ARID1A: variants seen among roughly 807,000 people sequenced by gnomAD.
ARID1A encodes the protein AT-rich interactive domain-containing protein 1A.
A neutral mutation model predicts 212.6 loss-of-function variants in ARID1A; 20 were observed. That is an observed-to-expected ratio of 0.09 (90% CI 0.07 to 0.14). ARID1A has a LOEUF of 0.14. Among genes scored for constraint, ARID1A ranks in the 10% least tolerant of loss-of-function variants. ARID1A has a pLI of 1.00. For missense variants in ARID1A, 2,587 were observed against 3,059.0 expected (o/e 0.85, Z 3.64); for synonymous variants, 1,376 against 1,222.1 (o/e 1.13, Z -2.63).
intron 1 of ARID1A, among the ~76,000 whole-genome samples, chr1:26,703,942 A>C (rs974720582): frequency 6.6e-6 from 1 of 152,242 alleles, no homozygotes. Flanking sequence ...AGCTGAAGGA[A>C]TTAGAGGAAA....
intron 1 of ARID1A, among the ~76,000 whole-genome samples, chr1:26,716,073 G>T (rs2080499612): frequency 6.6e-6 from 1 of 151,838 alleles, no homozygotes; most frequent in African/African-American, 2.4e-5. Context: ...AGGAGTGGTG[G>T]TGCATGCCCG....
intron 5 of ARID1A, 63 bp downstream of exon 5, chr1:26,761,159 G>T: frequency 6.3e-7 from 1 of 1,584,562 alleles, no homozygotes; most frequent in Non-Finnish European, 8.6e-7. Context: ...ATATTAAGGA[G>T]CCCTAGTCTT....
rs561898418 is a variant in ARID1A, at chr1:26,768,113, G to A, written c.3198+114G>A. 1.8e-4 allele frequency: 214 copies of A among 1,182,142 alleles called. 1 individual carries two copies. The African/African-American group carries it at 3.0e-3, about 17-fold the overall frequency. 73.2% of individuals were successfully genotyped at this position (1,182,142 alleles called of 1,614,324 possible). ...CCACAGGGACATCATCCCCTCTCCCGCTTTCTGAGTCTAATATTGATAGAC... is the reference window on the plus strand; with the variant it reads ...CCACAGGGACATCATCCCCTCTCCCACTTTCTGAGTCTAATATTGATAGAC... On this transcript the variant is annotated intron_variant, in intron 11 of 19. Coordinates refer to ENST00000324856, the MANE Select transcript of ARID1A (RefSeq NM_006015.6).
rs1482631398 is a variant in ARID1A at position 26,731,598 on chromosome 1, A to T, written c.1797A>T (p.Pro599=). 1 of 1,613,022 alleles carries T rather than the reference A, an allele frequency of 6.2e-7. No individual in the cohort carries two copies. Among genetic ancestry groups the T allele is most frequent in the Non-Finnish European group, 8.5e-7 (1 of 1,179,166 alleles). Residue 599 remains proline, a synonymous_variant, in exon 3 of 20, where the codon CCA becomes CCT. Transcript: ENST00000324856. The stretch of plus-strand genomic sequence containing the variant: ...CCTATTCCCAGCAGCGCTTCCCTCC[A>T]CCGCAGGTAAGATATCCCTGCCTCC... The part of the protein sequence containing the change: ...QTAYSQQRFP[P]PQELSQDSFG...
intron 4 of ARID1A, among the ~76,000 whole-genome samples, chr1:26,739,751 A>G (rs1158143011): frequency 3.3e-5 from 5 of 152,102 alleles, no homozygotes; most frequent in Non-Finnish European, 7.4e-5. Flanking sequence ...GGTGCTCATC[A>G]CTGGATCCCT....
intron 4 of ARID1A, among the ~76,000 whole-genome samples, chr1:26,757,074 AC>A (rs756284795): frequency 3.9e-5 from 6 of 152,086 alleles, no homozygotes; most frequent in Non-Finnish European, 8.8e-5. Flanking sequence ...AATGATCAAA[AC>A]AAAACATTTA....
In ARID1A at chr1:26,775,587, G is replaced by A. The variant is rs1293647849; in HGVS notation, c.5004G>A (p.Glu1668=). ...RLTMKDIGTP[E]AWRVMMSLKS... is the part of the protein sequence containing the mutation. ...GGAGGTTTATTTCAGGAACCCCGGA[G>A]GCATGGCGGGTAATGATGTCCCTCA... is the stretch of plus-strand genomic sequence containing the variant. The change falls in exon 19 of 20, where the codon GAG becomes GAA. Residue 1668 remains glutamate (E), a synonymous_variant. Transcript: ENST00000324856. The A allele has an allele frequency of 2.5e-6, 4 of 1,613,908 alleles. No homozygotes were observed. The highest frequency in any genetic ancestry group is 2.7e-5 in the African/African-American group (2 of 74,924).
chr1:26,726,228 A>G (rs1378052878), intron 1 of ARID1A, among the ~76,000 whole-genome samples: 2 of 142,236 alleles, frequency 1.4e-5, no homozygotes, highest in Non-Finnish European at 3.0e-5. Flanking sequence ...GATGGAGTGC[A>G]GTGGCTCGAT....
intron 10 of ARID1A, among the ~76,000 whole-genome samples, chr1:26,766,837 C>G (rs2081044138): frequency 6.6e-6 from 1 of 152,184 alleles, no homozygotes; most frequent in Non-Finnish European, 1.5e-5. Flanking sequence ...ACTGCAGCAT[C>G]AAACTCTCTG....
intron 4 of ARID1A, among the ~76,000 whole-genome samples, chr1:26,735,116 A>ATTT (rs35465692): frequency 7.6e-6 from 1 of 131,608 alleles, no homozygotes; most frequent in African/African-American, 2.8e-5. Context: ...AAAATCCAGA[A>ATTT]TTTTTTTTTT....
Position 26,760,971 on chromosome 1 carries a change from C to T in ARID1A, c.2036C>T (p.Ser679Phe), listed in dbSNP as rs1412218679. Residue 679 changes from serine to phenylalanine, a missense_variant, in exon 5 of 20, where the codon TCT becomes TTT. Physicochemically the swap from Ser to Phe is radical, Grantham distance 155 (BLOSUM62 -2). This residue lies in a region of ARID1A where 674 missense variants were observed against 813.4 expected (regional missense o/e 0.83). Transcript: ENST00000324856. ...SQGEQSNPAQSPFSPHTSPHL... is the reference protein window; with the variant it reads ...SQGEQSNPAQFPFSPHTSPHL... ...GGAGAGCAGAGTAATCCAGCTCAGT[C>T]TCCTTTCTCTCCTCATACCTCCCCT... 1.9e-6 allele frequency: 3 copies of T among 1,614,102 alleles called. No homozygotes were observed. Among genetic ancestry groups the T allele is most frequent in the Admixed American group, 1.7e-5 (1 of 60,016 alleles).
At chr1:26,766,675 C>A in intron 10 of ARID1A, 109 bp downstream of exon 10, 1 of 1,130,074 alleles carries the variant, frequency 8.8e-7, no homozygotes, top group Non-Finnish European at 1.2e-6. Context: ...TGACACCGGA[C>A]TAGATAGTCT....
At chr1:26,726,526 T>C (rs1042332873) in intron 1 of ARID1A, among the ~76,000 whole-genome samples, 5 of 152,188 alleles carry the variant, frequency 3.3e-5, no homozygotes, top group Admixed American at 6.5e-5. Flanking sequence ...CATCCTTCTT[T>C]CTCATCTTTC....
At chr1:26,761,174 T>G in intron 5 of ARID1A, 78 bp downstream of exon 5, 1 of 1,566,970 alleles carries the variant, frequency 6.4e-7, no homozygotes, top group East Asian at 2.3e-5. Context: ...AGTCTTCCAC[T>G]GGCAGAGAAA....
Position 26,775,685 on chromosome 1 carries a change from T to G in ARID1A, c.5102T>G (p.Ile1701Ser). The G allele has an allele frequency of 6.2e-7, 1 of 1,614,208 alleles. No individual in the cohort carries two copies. The highest frequency in any genetic ancestry group is 8.5e-7 in the Non-Finnish European group (1 of 1,180,032). ...INILLYDDNS[I>S]MTFNLSQLPG... ...ATCCTGCTGTATGATGACAACAGCA[T>G]CATGACCTTCAACCTCAGTCAGGTG... Residue 1701 changes from isoleucine (I) to serine (S), a missense_variant, in exon 19 of 20, where the codon ATC becomes AGC. Ile to Ser is a moderately radical substitution (Grantham distance 142). Coordinates refer to ENST00000324856, the MANE Select transcript of ARID1A (RefSeq NM_006015.6).
At chr1:26,718,595 T>G (rs1417909016) in intron 1 of ARID1A, among the ~76,000 whole-genome samples, 2 of 152,212 alleles carry the variant, frequency 1.3e-5, no homozygotes, top group Non-Finnish European at 1.5e-5. Flanking sequence ...TATAAACCAT[T>G]AATACGTACA....
At chr1:26,741,382 A>C (rs2080787270) in intron 4 of ARID1A, among the ~76,000 whole-genome samples, 1 of 152,230 alleles carries the variant, frequency 6.6e-6, no homozygotes, top group Non-Finnish European at 1.5e-5. Flanking sequence ...AGAAAAGGAA[A>C]TGAGCAAGGG....
At position 26,763,291 on chromosome 1, in the gene ARID1A, G is replaced by T; in HGVS notation, c.2732+6G>T. ...GCCAACTCTATCCAAAACAGGTAAG[G>T]CCTGGGAAGCAGAGAGGGTGTCAGT... is the stretch of plus-strand genomic sequence containing the variant. On this transcript the variant is annotated splice_donor_region_variant and intron_variant, in intron 8 of 19. Transcript: ENST00000324856. The T allele has an allele frequency of 1.3e-6, 2 of 1,586,238 alleles. No individual in the cohort carries two copies. Among genetic ancestry groups the T allele is most frequent in the East Asian group, 4.5e-5 (2 of 44,432 alleles).
chr1:26,777,393 A>ATTT (rs773418013), intron 19 of ARID1A, among the ~76,000 whole-genome samples: 1 of 136,334 alleles, frequency 7.3e-6, no homozygotes, highest in Admixed American at 7.4e-5. Flanking sequence ...TGCTCAGCTA[A>ATTT]TTTTTTTTTT....
Sources: allele counts gnomAD v4.1 joint callset (sites outside exome capture counted in the v4.1 genomes callset), GRCh38; gene constraint gnomAD v4.1.1; regional missense constraint gnomAD v4.1.1; transcripts MANE v1.5; gene names NCBI Gene and HGNC (gene_info 2026-07-23, HGNC 2026-07-21).